TMPRSS6: variants seen among roughly 807,000 people sequenced by gnomAD.
The protein encoded by TMPRSS6 is transmembrane serine protease 6.
In TMPRSS6, 67 loss-of-function variants were observed where a neutral mutation model predicts 101.5. That is an observed-to-expected ratio of 0.66 (90% CI 0.54 to 0.81). The LOEUF is 0.81. Ranked by LOEUF, TMPRSS6 falls within the 30% of genes least tolerant of loss-of-function variation. The probability of loss-of-function intolerance (pLI) is 0.00; values close to 1 mark genes in which losing one functional copy is unlikely to be tolerated. For synonymous variants in TMPRSS6, 453 were observed against 464.9 expected, an observed-to-expected ratio of 0.97 and a Z score of 0.33; for missense variants, 1,034 against 1,088.7, an observed-to-expected ratio of 0.95 and a Z score of 0.71.
chr22:37,087,120 T>A (rs539708402), intron 7 of TMPRSS6, among the ~76,000 whole-genome samples: 1 of 152,090 alleles, frequency 6.6e-6, no homozygotes, highest in Admixed American at 6.5e-5. Flanking sequence ...CTCCCACATA[T>A]GTAGGTGCCC....
chr22:37,072,030 G>A (rs750374766), intron 13 of TMPRSS6, among the ~76,000 whole-genome samples: 4 of 151,144 alleles, frequency 2.6e-5, no homozygotes, highest in Non-Finnish European at 5.9e-5. Context: ...GCTGACGGAT[G>A]AATGGATGGA....
intron 16 of TMPRSS6, among the ~76,000 whole-genome samples, chr22:37,068,159 T>A (rs1320230066): frequency 6.6e-6 from 1 of 152,130 alleles, no homozygotes; most frequent in Non-Finnish European, 1.5e-5. Flanking sequence ...GAATGTTCTC[T>A]CTTCATCCTT....
At chr22:37,102,591 C>G (rs1208621737) in intron 2 of TMPRSS6, among the ~76,000 whole-genome samples, 1 of 152,156 alleles carries the variant, frequency 6.6e-6, no homozygotes, top group Non-Finnish European at 1.5e-5. Context: ...CCCCGGGCAC[C>G]AGGGGACTGA....
intron 10 of TMPRSS6, among the ~76,000 whole-genome samples, chr22:37,081,500 T>C (rs1928265349): frequency 6.6e-6 from 1 of 152,112 alleles, no homozygotes; most frequent in Non-Finnish European, 1.5e-5. Flanking sequence ...TCCTGATGGG[T>C]AAGCAATCAA....
At chr22:37,088,759 C>T (rs945732702) in intron 7 of TMPRSS6, among the ~76,000 whole-genome samples, 2 of 152,196 alleles carry the variant, frequency 1.3e-5, no homozygotes, top group Admixed American at 6.5e-5. Flanking sequence ...ATGCCTTTTG[C>T]GGCCCAGTCC....
chr22:37,070,577 G>T lies in TMPRSS6; in HGVS notation c.1748C>A (p.Ala583Asp), dbSNP rs1466796184. Residue 583 changes from alanine (A) to aspartate (D), a missense_variant, in exon 15 of 18, where the codon GCC becomes GAC. Transcript: ENST00000676104. ...GTGTCGACCCCGAACCTGGAGGCTG[G>T]CCTGCCATGGCCACTCACCCTCGGA... ...VSSEGEWPWQ[A>D]SLQVRGRHIC... 4.3e-6 allele frequency: 7 copies of T among 1,613,228 alleles called. No homozygotes were observed. The highest frequency in any genetic ancestry group is 1.1e-5 in the South Asian group (1 of 91,090).
intron 10 of TMPRSS6, among the ~76,000 whole-genome samples, chr22:37,079,109 C>T (rs1185626728): frequency 6.6e-6 from 1 of 152,206 alleles, no homozygotes; most frequent in South Asian, 2.1e-4. Context: ...CCCCTTGGCC[C>T]ATCTGAGTTT....
At chr22:37,107,175 G>T (rs1282476322) in intron 1 of TMPRSS6, among the ~76,000 whole-genome samples, 2 of 152,200 alleles carry the variant, frequency 1.3e-5, no homozygotes, top group Non-Finnish European at 2.9e-5. Context: ...TGGCACTGGG[G>T]CATGGACAAT....
At chr22:37,093,384 C>CTTTTTTTTTTTTTTTTTTTT (rs67659825) in intron 6 of TMPRSS6, among the ~76,000 whole-genome samples, 1 of 82,544 alleles carries the variant, frequency 1.2e-5, no homozygotes, top group Non-Finnish European at 2.2e-5. Flanking sequence ...TTCTTTCTTT[C>CTTTTTTTTTTTTTTTTTTTT]TTTTTTTTTT....
At chr22:37,092,035 G>A (rs1929312125) in intron 6 of TMPRSS6, among the ~76,000 whole-genome samples, 1 of 151,750 alleles carries the variant, frequency 6.6e-6, no homozygotes, top group African/African-American at 2.4e-5. Context: ...AGGGTTTTGT[G>A]TTCTTTAAAT....
chr22:37,072,354 TG>T (rs1486237091), intron 13 of TMPRSS6, among the ~76,000 whole-genome samples: 1 of 141,806 alleles, frequency 7.1e-6, no homozygotes, highest in Non-Finnish European at 1.5e-5. Flanking sequence ...GATGGATGGA[TG>T]GATGATGGAT....
intron 7 of TMPRSS6, among the ~76,000 whole-genome samples, chr22:37,086,669 G>T (rs911837690): frequency 1.3e-5 from 2 of 152,134 alleles, no homozygotes; most frequent in Non-Finnish European, 2.9e-5. Flanking sequence ...AGGTTCCCCA[G>T]ACTTCTGGAG....
In TMPRSS6 at chr22:37,069,757, G is replaced by C. The variant is rs925465896; in HGVS notation, c.1842-413C>G. ...ACCCAGGCTGCTCTGAATTCCCTGAGGCTGGTGGGTCCTAGTGGGGAGCGG... is the reference window on the plus strand; with the variant it reads ...ACCCAGGCTGCTCTGAATTCCCTGACGCTGGTGGGTCCTAGTGGGGAGCGG... On this transcript the variant is annotated intron_variant, in intron 15 of 17. Transcript: ENST00000676104. The surrounding 1 kb of genome is among the most constrained non-coding windows in gnomAD (Gnocchi z 4.8). Among the ~76,000 whole-genome samples the C allele has an allele frequency of 6.6e-6, 1 of 152,216 alleles. No individual in the cohort carries two copies. Among genetic ancestry groups the C allele is most frequent in the Non-Finnish European group, 1.5e-5 (1 of 68,044 alleles).
Position 37,065,839 on chromosome 22 carries a change from A to G in TMPRSS6, c.*241T>C. On this transcript the variant is annotated 3_prime_UTR_variant, in exon 18 of 18. Transcript: ENST00000676104. ...GACGGAGGAGAGAGAATTGGGAGGC[A>G]GAAGGGCTGGGTGTGGGCCTGGGTC... 6.9e-6 allele frequency: 4 copies of G among 576,834 alleles called. No homozygotes were observed. The highest frequency in any genetic ancestry group is 1.2e-5 in the Non-Finnish European group (4 of 321,976). The allele number at this position is 576,834 out of a possible 1,614,324, so 35.7% of individuals were successfully genotyped here. A position where few individuals can be genotyped will look rare whatever the true frequency, so the allele number is the denominator to read the frequency against.
At chr22:37,080,614 G>A (rs1250146564) in intron 10 of TMPRSS6, among the ~76,000 whole-genome samples, 2 of 152,270 alleles carry the variant, frequency 1.3e-5, no homozygotes, top group Admixed American at 1.3e-4. Flanking sequence ...AGGGCACAGT[G>A]GCCCAGTGCG....
intron 6 of TMPRSS6, among the ~76,000 whole-genome samples, chr22:37,091,647 C>A (rs5756509): frequency 0.45 from 68,266 of 152,126 alleles, 15,650 homozygotes; most frequent in African/African-American, 0.54. Flanking sequence ...CCCCCTGAGG[C>A]TCTCAGGAGT....
At chr22:37,077,643 A>C (rs958489778) in intron 10 of TMPRSS6, among the ~76,000 whole-genome samples, 7 of 152,346 alleles carry the variant, frequency 4.6e-5, no homozygotes, top group Admixed American at 4.6e-4. Context: ...CCAGTTGTTA[A>C]AGAAATGTAC....
chr22:37,099,216 G>A (rs753061676), intron 2 of TMPRSS6, among the ~76,000 whole-genome samples: 1 of 152,222 alleles, frequency 6.6e-6, no homozygotes, highest in Non-Finnish European at 1.5e-5. Flanking sequence ...TAAGAGAAGA[G>A]GGAGGGAAGT....
Position 37,105,500 on chromosome 22 carries a change from C to A in TMPRSS6, c.-1-2082G>T, listed in dbSNP as rs1277907647. On this transcript the variant is annotated intron_variant, in intron 1 of 17. Transcript: ENST00000676104. ...CCACATGGCAGGTTTGAGTCCCCAGCGCAGAGCTGCCTGTCTGTCCTGGGC... is the reference window on the plus strand; with the variant it reads ...CCACATGGCAGGTTTGAGTCCCCAGAGCAGAGCTGCCTGTCTGTCCTGGGC... 3.9e-5 allele frequency among the ~76,000 whole-genome samples: 6 copies of A among 152,330 alleles called. No individual in the cohort carries two copies. The East Asian group carries it at 1.2e-3, about 29-fold the overall frequency.
Sources: allele counts gnomAD v4.1 joint callset (sites outside exome capture counted in the v4.1 genomes callset), GRCh38; gene constraint gnomAD v4.1.1; non-coding constraint Gnocchi (gnomAD v3.1); transcripts MANE v1.5; gene names NCBI Gene and HGNC (gene_info 2026-07-23, HGNC 2026-07-21).